Variants in VAMP2 observed in about 807,000 individuals in gnomAD.
VAMP2 encodes the protein vesicle-associated membrane protein 2.
For synonymous variants in VAMP2, 67 were observed against 57.3 expected, an observed-to-expected ratio of 1.17 and a Z score of -0.76; for missense variants, 95 against 151.3, an observed-to-expected ratio of 0.63 and a Z score of 1.95.
At chr17:8,161,433 TCTC>T (rs1245267191) in intron 4 of VAMP2, 37 bp downstream of exon 4, 1 of 1,612,176 alleles carries the variant, frequency 6.2e-7, no homozygotes, top group Admixed American at 1.7e-5. Flanking sequence ...TGGGGAAACC[TCTC>T]CAGGGAAAGG....
intron 1 of VAMP2, 142 bp from the exon 2 acceptor site, chr17:8,162,511 G>A: frequency 6.5e-7 from 1 of 1,529,582 alleles, no homozygotes. Context: ...CCCTGGTCTC[G>A]GTCCAGCCCT....
chr17:8,161,432 C>T lies in VAMP2; in HGVS notation c.334+41G>A. 7.4e-6 allele frequency: 12 copies of T among 1,611,812 alleles called. 1 individual carries two copies. The highest frequency in any genetic ancestry group is 1.0e-5 in the Non-Finnish European group (12 of 1,178,882). Reference sequence around the variant, plus strand: ...AAAACCTAGAATCCACTGGGGAAACCTCTCCAGGGAAAGGGCCCCGGCCAT... The same window carrying T: ...AAAACCTAGAATCCACTGGGGAAACTTCTCCAGGGAAAGGGCCCCGGCCAT... On this transcript the variant is annotated intron_variant, in intron 4 of 4. Coordinates refer to ENST00000316509, the MANE Select transcript of VAMP2 (RefSeq NM_014232.3).
rs191861921 is a variant in VAMP2, at chr17:8,160,616, G to A, written c.*239C>T. 24 of 282,400 alleles carry A rather than the reference G, an allele frequency of 8.5e-5. No individual in the cohort carries two copies. The East Asian group carries it at 1.3e-3, about 15-fold the overall frequency. 17.5% of individuals were successfully genotyped at this position (282,400 alleles called of 1,614,324 possible). On this transcript the variant is annotated 3_prime_UTR_variant, in exon 5 of 5. Coordinates refer to ENST00000316509, the MANE Select transcript of VAMP2 (RefSeq NM_014232.3). ...GAGAGAGGGGTGAAGGGAACCTCAGGAAGGGGTGTTAAGGACAACCGGAAA... is the reference window on the plus strand; with the variant it reads ...GAGAGAGGGGTGAAGGGAACCTCAGAAAGGGGTGTTAAGGACAACCGGAAA...
chr17:8,162,815 C>T (rs1426374040), intron 1 of VAMP2, 63 bp downstream of exon 1: 1 of 1,214,990 alleles, frequency 8.2e-7, no homozygotes, highest in Non-Finnish European at 1.0e-6. Flanking sequence ...TCCCGACGGC[C>T]GGTTGCCAAG....
chr17:8,162,585 C>G, intron 1 of VAMP2: 1 of 1,447,194 alleles, frequency 6.9e-7, no homozygotes, highest in Non-Finnish European at 9.1e-7. Flanking sequence ...CGCCTGTCAA[C>G]TGAGGGCGAC....
Position 8,162,264 on chromosome 17 carries a change from C to T in VAMP2, c.108G>A (p.Gln36=). The part of the protein sequence containing the change: ...LTSNRRLQQT[Q]AQVDEVVDIM... The stretch of plus-strand genomic sequence containing the variant: ...CCACACTCACCTCATCCACCTGGGC[C>T]TGGGTCTGCTGCAGTCTCCTGTTAC... The change falls in exon 2 of 5, where the codon CAG becomes CAA. Residue 36 remains glutamine (Q), a synonymous_variant. Coordinates refer to ENST00000316509, the MANE Select transcript of VAMP2 (RefSeq NM_014232.3). 1.9e-6 allele frequency: 3 copies of T among 1,556,744 alleles called. No individual in the cohort carries two copies. Among genetic ancestry groups the T allele is most frequent in the Non-Finnish European group, 1.7e-6 (2 of 1,156,356 alleles).
At chr17:8,161,189 C>G (rs1271744763) in intron 4 of VAMP2, 1 of 568,340 alleles carries the variant, frequency 1.8e-6, no homozygotes, top group Non-Finnish European at 3.1e-6. Flanking sequence ...CTTTCTCCCA[C>G]TCCTCAATTC....
At chr17:8,161,994 A>G (rs1390641195) in intron 2 of VAMP2, among the ~76,000 whole-genome samples, 1 of 152,096 alleles carries the variant, frequency 6.6e-6, no homozygotes, top group Non-Finnish European at 1.5e-5. Flanking sequence ...CCCTCCCTCT[A>G]TGGAACCTCA....
rs1983278075 is a variant in VAMP2, at chr17:8,160,589, AAG to A, written c.*264_*265del. On this transcript the variant is annotated 3_prime_UTR_variant, in exon 5 of 5. Transcript: ENST00000316509. ...GAAGAAAGGGAAAGGGAAGGAAGGCAAGAGAGAGGGGTGAAGGGAACCTCAGG... is the reference window on the plus strand; with the variant it reads ...GAAGAAAGGGAAAGGGAAGGAAGGCAAGAGAGGGGTGAAGGGAACCTCAGG... 4.2e-6 allele frequency: 1 copy of A among 237,638 alleles called. No homozygotes were observed. The highest frequency in any genetic ancestry group is 8.0e-6 in the Non-Finnish European group (1 of 125,492). 14.7% of individuals were successfully genotyped at this position (237,638 alleles called of 1,614,324 possible). A position where few individuals can be genotyped will look rare whatever the true frequency, so the allele number is the denominator to read the frequency against.
At chr17:8,161,390 C>T in intron 4 of VAMP2, 83 bp downstream of exon 4, 6 of 1,553,064 alleles carry the variant, frequency 3.9e-6, no homozygotes, top group Non-Finnish European at 5.2e-6. Context: ...AGAGTAAAAA[C>T]TAGATTAATG....
rs1983364690 is a variant in VAMP2 at position 8,162,934 on chromosome 17, G to C, written c.-55C>G. 2 of 1,203,606 alleles carry C rather than the reference G, an allele frequency of 1.7e-6. No homozygotes were observed. Among genetic ancestry groups the C allele is most frequent in the African/African-American group, 1.6e-5 (1 of 63,122 alleles). 74.6% of individuals were successfully genotyped at this position (1,203,606 alleles called of 1,614,324 possible). ...GCGGCAGTGATGGCGGCGGCGGCTC[G>C]CGCTGGCTCCGACTGGCGCTGGCTG... On this transcript the variant is annotated 5_prime_UTR_variant, in exon 1 of 5. Transcript: ENST00000316509.
chr17:8,160,387 T>TGTTTTTTTTTTTTTTTTTTA lies in VAMP2; in HGVS notation c.*467_*468insTAAAAAAAAAAAAAAAAAAC, dbSNP rs1472463253. On this transcript the variant is annotated 3_prime_UTR_variant, in exon 5 of 5. Coordinates refer to ENST00000316509, the MANE Select transcript of VAMP2 (RefSeq NM_014232.3). ...GCCTGGACAGGTGCTGTTGTTTTTT[T>TGTTTTTTTTTTTTTTTTTTA]TTTTTTTTTTTTTTTTTTGAGGGCG... 7.9e-6 allele frequency: 1 copy of TGTTTTTTTTTTTTTTTTTTA among 126,056 alleles called. No individual in the cohort carries two copies. Among genetic ancestry groups the TGTTTTTTTTTTTTTTTTTTA allele is most frequent in the Non-Finnish European group, 1.7e-5 (1 of 59,214 alleles). The allele number at this position is 126,056 out of a possible 1,614,324, so 7.8% of individuals were successfully genotyped here.
At chr17:8,161,866 C>T in intron 2 of VAMP2, 100 bp from the exon 3 acceptor site, 3 of 1,512,556 alleles carry the variant, frequency 2.0e-6, no homozygotes, top group East Asian at 2.3e-5. Context: ...GGAACATGCA[C>T]CCTGATACTG....
In VAMP2 at chr17:8,160,380, G is replaced by GTTTTTTTTTTTTTTTTTTTTTTTTTTT. The variant is rs71159553; in HGVS notation, c.*474_*475insAAAAAAAAAAAAAAAAAAAAAAAAAAA. 2.8e-5 allele frequency: 1 copy of GTTTTTTTTTTTTTTTTTTTTTTTTTTT among 35,108 alleles called. No individual in the cohort carries two copies. Among genetic ancestry groups the GTTTTTTTTTTTTTTTTTTTTTTTTTTT allele is most frequent in the Non-Finnish European group, 5.0e-5 (1 of 20,096 alleles). 2.2% of individuals were successfully genotyped at this position (35,108 alleles called of 1,614,324 possible). A position where few individuals can be genotyped will look rare whatever the true frequency, so the allele number is the denominator to read the frequency against. Reference sequence around the variant, plus strand: ...TAAGGAAGCCTGGACAGGTGCTGTTGTTTTTTTTTTTTTTTTTTTTTTTTT... The same window carrying GTTTTTTTTTTTTTTTTTTTTTTTTTTT: ...TAAGGAAGCCTGGACAGGTGCTGTTGTTTTTTTTTTTTTTTTTTTTTTTTTTTTTTTTTTTTTTTTTTTTTTTTTTTT... On this transcript the variant is annotated 3_prime_UTR_variant, in exon 5 of 5. Coordinates refer to ENST00000316509, the MANE Select transcript of VAMP2 (RefSeq NM_014232.3).
At chr17:8,162,673 G>A in intron 1 of VAMP2, 2 of 1,355,240 alleles carry the variant, frequency 1.5e-6, no homozygotes, top group Non-Finnish European at 1.9e-6. Context: ...GGAGGACACT[G>A]GGTCCGCTCC....
intron 4 of VAMP2, 182 bp from the exon 5 acceptor site, chr17:8,161,053 G>A (rs570634552): frequency 1.8e-6 from 1 of 569,818 alleles, no homozygotes; most frequent in African/African-American, 1.9e-5. Context: ...AGGTTCTGAG[G>A]TCCCTTCCGC....
chr17:8,161,825 T>C lies in VAMP2; in HGVS notation c.124-59A>G, dbSNP rs556905066. The C allele has an allele frequency of 2.4e-5, 38 of 1,581,164 alleles. No individual in the cohort carries two copies. In the African/African-American group the frequency reaches 3.6e-4, roughly 15 times the overall value. Reference sequence around the variant, plus strand: ...CCAAGGCCCACCTCAGTGAGGGCAATCCTCAAACATGTGCCCACCGTGCCA... The same window carrying C: ...CCAAGGCCCACCTCAGTGAGGGCAACCCTCAAACATGTGCCCACCGTGCCA... On this transcript the variant is annotated intron_variant, in intron 2 of 4. Coordinates refer to ENST00000316509, the MANE Select transcript of VAMP2 (RefSeq NM_014232.3).
chr17:8,160,776 A>C lies in VAMP2; in HGVS notation c.*79T>G. ...CGGATCCAGGGGAGTGGGGGCTGAA[A>C]GATATGGCTGAGAGGTGGAGGAACG... On this transcript the variant is annotated 3_prime_UTR_variant, in exon 5 of 5. Transcript: ENST00000316509. 6.5e-7 allele frequency: 1 copy of C among 1,533,274 alleles called. No homozygotes were observed. The highest frequency in any genetic ancestry group is 2.3e-5 in the East Asian group (1 of 43,634). 95.0% of individuals were successfully genotyped at this position (1,533,274 alleles called of 1,614,324 possible). A position where few individuals can be genotyped will look rare whatever the true frequency, so the allele number is the denominator to read the frequency against.
chr17:8,160,869 A>G lies in VAMP2; in HGVS notation c.337T>C (p.Tyr113His). 6 of 1,610,480 alleles carry G rather than the reference A, an allele frequency of 3.7e-6. No homozygotes were observed. The highest frequency in any genetic ancestry group is 5.1e-6 in the Non-Finnish European group (6 of 1,178,066). The change falls in exon 5 of 5, where the codon TAC (tyrosine) becomes CAC (histidine). Residue 113 changes from tyrosine to histidine, a missense_variant and splice_region_variant. Transcript: ENST00000316509. ...TCCTCGGGGATTTAAGTGCTGAAGT[A>G]AACTGTGGAGAGAGGGGAAGAAGAT... The part of the protein sequence containing the change: ...CAIILIIIIV[Y>H]FST
Sources: gnomAD v4.1 joint callset for allele counts (sites outside exome capture counted in the v4.1 genomes callset) on GRCh38, gnomAD v4.1.1 for gene constraint, MANE v1.5 for transcripts, NCBI Gene and HGNC (gene_info 2026-07-23, HGNC 2026-07-21) for gene names.